CHODL: variants seen among roughly 807,000 people sequenced by gnomAD.
The protein encoded by CHODL is chondrolectin.
Under a neutral mutation model 34.5 loss-of-function variants are expected in CHODL, and 29 were observed. The observed-to-expected ratio is 0.84, with a 90% CI of 0.63 to 1.15. The LOEUF is 1.15. CHODL is among the 50% of genes most tolerant of loss of function. The pLI is 0.00. For missense variants in CHODL, 332 were observed against 332.5 expected (o/e 1.00, Z 0.01); for synonymous variants, 125 against 116.1 (o/e 1.08, Z -0.49).
At chr21:17,920,636 T>C (rs2063176079) in intron 1 of CHODL, among the ~76,000 whole-genome samples, 1 of 152,154 alleles carries the variant, frequency 6.6e-6, no homozygotes. Flanking sequence ...AACAAGAAAA[T>C]ACATTTACAT....
chr21:18,205,401 A>G (rs2073700671), intron 2 of CHODL, among the ~76,000 whole-genome samples: 1 of 152,174 alleles, frequency 6.6e-6, no homozygotes. Flanking sequence ...TGATTTGTAT[A>G]TGTTGAACCA....
intron 2 of CHODL, among the ~76,000 whole-genome samples, chr21:18,073,385 T>C (rs1449569401): frequency 1.3e-5 from 2 of 152,140 alleles, no homozygotes; most frequent in African/African-American, 4.8e-5. Context: ...TTTACCTTAA[T>C]AAATACATCA....
chr21:17,973,660 T>G (rs998575987), intron 1 of CHODL, among the ~76,000 whole-genome samples: 1 of 151,916 alleles, frequency 6.6e-6, no homozygotes, highest in Non-Finnish European at 1.5e-5. Flanking sequence ...GACCTCGTGA[T>G]CCGCCCACCT....
intron 2 of CHODL, among the ~76,000 whole-genome samples, chr21:18,131,447 G>A (rs539723122): frequency 3.9e-5 from 6 of 152,054 alleles, no homozygotes; most frequent in Non-Finnish European, 7.4e-5. Context: ...TTCAATTTAC[G>A]AACATTTTGT....
At chr21:18,209,571 C>G (rs548749011) in intron 2 of CHODL, among the ~76,000 whole-genome samples, 1 of 152,170 alleles carries the variant, frequency 6.6e-6, no homozygotes, top group African/African-American at 2.4e-5. Context: ...TTACTCTTTC[C>G]ACTCCTTTTC....
chr21:17,922,494 G>T (rs900114585), intron 1 of CHODL, among the ~76,000 whole-genome samples: 5 of 152,178 alleles, frequency 3.3e-5, no homozygotes, highest in African/African-American at 1.2e-4. Context: ...CTCAAGATGG[G>T]TTGATAAATC....
chr21:18,152,144 G>T (rs2072977944), intron 2 of CHODL, among the ~76,000 whole-genome samples: 1 of 152,132 alleles, frequency 6.6e-6, no homozygotes. Flanking sequence ...TCATTGAACA[G>T]AGAAATGTTA....
rs191859074 is a variant in CHODL at position 18,162,016 on chromosome 21, T to C, written c.-44-94493T>C. Reference sequence around the variant, plus strand: ...CACCCACAAGATATTGTCAGTTCCCTAGAAGCGCACTACCACCCTCCACCT... The same window carrying C: ...CACCCACAAGATATTGTCAGTTCCCCAGAAGCGCACTACCACCCTCCACCT... On this transcript the variant is annotated intron_variant, in intron 2 of 6. Transcript: ENST00000400127. 2.1e-3 allele frequency among the ~76,000 whole-genome samples: 313 copies of C among 152,304 alleles called. 3 individuals carry two copies. Among genetic ancestry groups the C allele is most frequent in the Non-Finnish European group, 7.8e-4 (53 of 68,032 alleles).
chr21:18,167,467 G>T (rs1046872917), intron 2 of CHODL, among the ~76,000 whole-genome samples: 2 of 151,546 alleles, frequency 1.3e-5, no homozygotes, highest in Admixed American at 6.6e-5. Context: ...CCACCACCAC[G>T]CCCGGCTAAT....
At chr21:18,225,104 T>C (rs917502770) in intron 2 of CHODL, among the ~76,000 whole-genome samples, 6 of 152,154 alleles carry the variant, frequency 3.9e-5, no homozygotes, top group Non-Finnish European at 7.4e-5. Flanking sequence ...GTTCCTTACA[T>C]TGTAGTGCTG....
intron 1 of CHODL, among the ~76,000 whole-genome samples, chr21:17,918,017 G>A (rs1259878916): frequency 6.6e-6 from 1 of 152,080 alleles, no homozygotes; most frequent in South Asian, 2.1e-4. Flanking sequence ...GAAAGTTTTA[G>A]TAGGTAAACC....
intron 2 of CHODL, among the ~76,000 whole-genome samples, chr21:18,176,783 G>C (rs1295028003): frequency 1.3e-5 from 2 of 152,118 alleles, no homozygotes. Context: ...TATGATCAAA[G>C]ATGTAATTTA....
chr21:18,251,097 A>G (rs2074231013), intron 1 of CHODL, among the ~76,000 whole-genome samples: 1 of 151,660 alleles, frequency 6.6e-6, no homozygotes, highest in Non-Finnish European at 1.5e-5. Flanking sequence ...CTGCTCAGAA[A>G]GAAAAAGCAA....
At chr21:18,135,372 A>G (rs997560640) in intron 2 of CHODL, among the ~76,000 whole-genome samples, 6 of 151,834 alleles carry the variant, frequency 4.0e-5, no homozygotes, top group Non-Finnish European at 5.9e-5. Flanking sequence ...ATGAAGCTTC[A>G]TTCAAGCAAA....
chr21:17,969,481 A>T (rs2063597690), intron 1 of CHODL, among the ~76,000 whole-genome samples: 1 of 152,234 alleles, frequency 6.6e-6, no homozygotes, highest in Non-Finnish European at 1.5e-5. Context: ...CAGGTAACAG[A>T]ACTAGTGGCT....
intron 2 of CHODL, among the ~76,000 whole-genome samples, chr21:18,103,279 T>G (rs1174703276): frequency 1.3e-5 from 2 of 152,190 alleles, no homozygotes; most frequent in Admixed American, 6.5e-5. Flanking sequence ...CTTTGTCATT[T>G]AAAAAATAGT....
chr21:18,240,238 G>T (rs964826291), upstream of CHODL, among the ~76,000 whole-genome samples: 7 of 151,914 alleles, frequency 4.6e-5, no homozygotes, highest in Non-Finnish European at 8.8e-5. Flanking sequence ...TATATATTTG[G>T]AAAATTAGTG....
chr21:18,255,740 G>A (rs2074307698), intron 1 of CHODL, among the ~76,000 whole-genome samples: 1 of 151,818 alleles, frequency 6.6e-6, no homozygotes, highest in Non-Finnish European at 1.5e-5. Flanking sequence ...TAAGTTCATA[G>A]TTGGGAGATT....
At chr21:18,049,990 T>C (rs891368125) in intron 2 of CHODL, among the ~76,000 whole-genome samples, 2 of 151,986 alleles carry the variant, frequency 1.3e-5, no homozygotes, top group Admixed American at 6.6e-5. Context: ...TCTGCTTTCC[T>C]GGAGCTAACA....
Sources: allele counts gnomAD v4.1 joint callset (sites outside exome capture counted in the v4.1 genomes callset), GRCh38; gene constraint gnomAD v4.1.1; transcripts MANE v1.5; gene names NCBI Gene and HGNC (gene_info 2026-07-23, HGNC 2026-07-21).